Variants in MAGI2 observed in about 807,000 individuals in gnomAD.
The protein encoded by MAGI2 is membrane-associated guanylate kinase, WW and PDZ domain-containing protein 2.
MAGI2 carries 35 observed loss-of-function variants against 133.3 expected under a neutral mutation model. The ratio of observed to expected loss-of-function variants is 0.26; its 90% confidence interval spans 0.20 to 0.35. MAGI2 has a LOEUF of 0.35. MAGI2 is among the 10% of genes least tolerant of loss of function. MAGI2 has a pLI of 1.00. For missense variants in MAGI2, 1,636 were observed against 1,863.4 expected (o/e 0.88, Z 2.25); for synonymous variants, 729 against 710.6 (o/e 1.03, Z -0.41).
chr7:78,859,977 A>G (rs1378408883), intron 2 of MAGI2, among the ~76,000 whole-genome samples: 3 of 151,546 alleles, frequency 2.0e-5, no homozygotes, highest in Non-Finnish European at 4.4e-5. Context: ...TTCTCTCTTC[A>G]TTTCATTCAT....
At chr7:78,322,430 A>G (rs2151125285) in intron 9 of MAGI2, among the ~76,000 whole-genome samples, 1 of 152,366 alleles carries the variant, frequency 6.6e-6, no homozygotes, top group East Asian at 1.9e-4. Flanking sequence ...CTATGCAGCC[A>G]TAAAAAAGGA....
chr7:79,442,451 AGTGTGTGTGTGT>A (rs3028947), intron 1 of MAGI2, among the ~76,000 whole-genome samples: 20 of 145,138 alleles, frequency 1.4e-4, no homozygotes, highest in African/African-American at 4.6e-4. Flanking sequence ...GTGTTTGAAG[AGTGTGTGTGTGT>A]GTGTGTGTGT....
intron 1 of MAGI2, among the ~76,000 whole-genome samples, chr7:79,288,083 C>T (rs1563080123): frequency 6.6e-6 from 1 of 152,130 alleles, no homozygotes; most frequent in East Asian, 1.9e-4. Flanking sequence ...TATATGCAAA[C>T]TTAGTATAAA....
chr7:78,774,117 A>G (rs1260179895), intron 2 of MAGI2, among the ~76,000 whole-genome samples: 1 of 152,218 alleles, frequency 6.6e-6, no homozygotes, highest in East Asian at 1.9e-4. Flanking sequence ...AATCACCTGT[A>G]GAGATTTTAA....
intron 1 of MAGI2, among the ~76,000 whole-genome samples, chr7:79,383,466 A>T (rs1401625784): frequency 6.6e-6 from 1 of 151,584 alleles, no homozygotes; most frequent in Non-Finnish European, 1.5e-5. Flanking sequence ...CATATGGATA[A>T]GGACAAAAAT....
At chr7:79,055,230 T>TG (rs1412773022) in intron 1 of MAGI2, among the ~76,000 whole-genome samples, 1 of 152,184 alleles carries the variant, frequency 6.6e-6, no homozygotes, top group Admixed American at 6.5e-5. Context: ...TAGTCACAAG[T>TG]TGGGAAACTG....
chr7:79,198,544 T>C (rs147858299), intron 1 of MAGI2, among the ~76,000 whole-genome samples: 4 of 152,078 alleles, frequency 2.6e-5, no homozygotes, highest in Non-Finnish European at 5.9e-5. Flanking sequence ...AGGAAGATAA[T>C]TGAAAAATTT....
chr7:78,512,832 G>A (rs1347953897), intron 4 of MAGI2, among the ~76,000 whole-genome samples: 1 of 152,138 alleles, frequency 6.6e-6, no homozygotes, highest in Non-Finnish European at 1.5e-5. Flanking sequence ...GAACAATATG[G>A]AAAATTATGA....
At chr7:78,773,369 C>T (rs1480379982) in intron 2 of MAGI2, among the ~76,000 whole-genome samples, 1 of 152,004 alleles carries the variant, frequency 6.6e-6, no homozygotes, top group Non-Finnish European at 1.5e-5. Flanking sequence ...AACAGTATAG[C>T]AACTAACCCT....
chr7:79,111,823 T>C (rs1467421138), intron 1 of MAGI2, among the ~76,000 whole-genome samples: 1 of 152,044 alleles, frequency 6.6e-6, no homozygotes, highest in Non-Finnish European at 1.5e-5. Flanking sequence ...CCCGCCACCA[T>C]GCCTGGCTAA....
At chr7:78,548,732 T>C (rs1356750909) in intron 3 of MAGI2, among the ~76,000 whole-genome samples, 1 of 152,104 alleles carries the variant, frequency 6.6e-6, no homozygotes, top group Non-Finnish European at 1.5e-5. Context: ...AAAGATTGCT[T>C]TCATGTCTTA....
At chr7:78,345,104 C>G (rs944549174) in intron 8 of MAGI2, among the ~76,000 whole-genome samples, 1 of 152,136 alleles carries the variant, frequency 6.6e-6, no homozygotes, top group Non-Finnish European at 1.5e-5. Context: ...TAGACTTCTG[C>G]TTTTACTGTC....
intron 3 of MAGI2, chr7:78,614,914 C>T (rs1584851789): frequency 1.3e-5 from 2 of 152,088 alleles, no homozygotes; most frequent in Admixed American, 6.5e-5. Flanking sequence ...CTGCACATAA[C>T]GTTTTCTGGA....
At chr7:79,085,951 A>C (rs898788586) in intron 1 of MAGI2, among the ~76,000 whole-genome samples, 2 of 151,930 alleles carry the variant, frequency 1.3e-5, no homozygotes, top group Admixed American at 6.6e-5. Context: ...GTAGCAAGAG[A>C]TGAGAAATTA....
intron 2 of MAGI2, among the ~76,000 whole-genome samples, chr7:78,993,908 C>T (rs1806032535): frequency 6.6e-6 from 1 of 151,964 alleles, no homozygotes; most frequent in Admixed American, 6.6e-5. Context: ...TGAATGGCTC[C>T]CTAATGGTTT....
intron 2 of MAGI2, among the ~76,000 whole-genome samples, chr7:78,687,643 A>T (rs966796720): frequency 6.6e-6 from 1 of 152,154 alleles, no homozygotes; most frequent in African/African-American, 2.4e-5. Flanking sequence ...TTTCTGGATA[A>T]CTGAAGGAAA....
intron 10 of MAGI2, among the ~76,000 whole-genome samples, chr7:78,234,443 T>C (rs142558807): frequency 4.6e-3 from 705 of 152,244 alleles, no homozygotes; most frequent in African/African-American, 0.017. Flanking sequence ...AGGCACAACA[T>C]AATACATTTT....
intron 3 of MAGI2, among the ~76,000 whole-genome samples, chr7:78,546,846 C>T (rs1563151627): frequency 6.6e-6 from 1 of 152,204 alleles, no homozygotes; most frequent in Non-Finnish European, 1.5e-5. Context: ...GTGCCTACCA[C>T]ACAGAGTTGT....
intron 1 of MAGI2, among the ~76,000 whole-genome samples, chr7:79,182,925 G>A (rs750312185): frequency 6.6e-6 from 1 of 151,870 alleles, no homozygotes; most frequent in African/African-American, 2.4e-5. Context: ...TGGAGGTTAC[G>A]AGAAATAAGC....
Sources: gnomAD v4.1 joint callset for allele counts (sites outside exome capture counted in the v4.1 genomes callset) on GRCh38, gnomAD v4.1.1 for gene constraint, MANE v1.5 for transcripts, NCBI Gene and HGNC (gene_info 2026-07-23, HGNC 2026-07-21) for gene names.